DLC1: variants seen among roughly 807,000 people sequenced by gnomAD.
DLC1 encodes DLC1 Rho GTPase activating protein.
In DLC1, 54 loss-of-function variants were observed where a neutral mutation model predicts 140.3. The ratio of observed to expected loss-of-function variants is 0.38; its 90% CI spans 0.31 to 0.48. The LOEUF is 0.48. Ranked by LOEUF, DLC1 falls within the 20% of genes least tolerant of loss-of-function variation. The pLI, the probability that DLC1 is intolerant of heterozygous loss-of-function variation, is 0.96. For synonymous variants in DLC1, 986 were observed against 728.1 expected, an observed-to-expected ratio of 1.35 and a Z score of -5.70; for missense variants, 2,536 against 1,907.0, an observed-to-expected ratio of 1.33 and a Z score of -6.14.
rs1479921118 is a variant in DLC1, at chr8:13,119,561, T to A, written c.1349-3904A>T. On this transcript the variant is annotated intron_variant, in intron 5 of 17. Transcript: ENST00000276297. ...CTAAGCGCTAGTGCATATTAGTTCA[T>A]TTACACCTCACATTGATCCTAAAAT... Among the ~76,000 whole-genome samples, 3 of 152,296 alleles carry A rather than the reference T, an allele frequency of 2.0e-5. No individual in the cohort carries two copies. The East Asian group carries it at 5.8e-4, about 29-fold the overall frequency.
chr8:13,099,777 C>T lies in DLC1; in HGVS notation c.2560G>A (p.Glu854Lys), dbSNP rs1585613378. 6.2e-7 allele frequency: 1 copy of T among 1,614,106 alleles called. No homozygotes were observed. The highest frequency in any genetic ancestry group is 1.1e-5 in the South Asian group (1 of 91,068). Residue 854 changes from glutamate to lysine, a missense_variant, in exon 9 of 18, where the codon GAA becomes AAA. Coordinates refer to ENST00000276297, the MANE Select transcript of DLC1 (RefSeq NM_182643.3). ...HGPGHISLRR[E>K]NSSDSPKELK... ...TCCTTGGGGCTGTCGCTACTGTTTT[C>T]CCTCCTGAGGCTGATGTGGCCAGGG...
intron 5 of DLC1, among the ~76,000 whole-genome samples, chr8:13,207,211 G>T (rs139840363): frequency 1.4e-3 from 208 of 152,136 alleles, no homozygotes; most frequent in African/African-American, 4.7e-3. Flanking sequence ...TGCACTTGTG[G>T]TAATTTCAAA....
At chr8:13,470,849 T>A (rs1355664118) in intron 2 of DLC1, among the ~76,000 whole-genome samples, 1 of 152,156 alleles carries the variant, frequency 6.6e-6, no homozygotes, top group Non-Finnish European at 1.5e-5. Context: ...TTATTCACAG[T>A]AGCCAAGTGA....
chr8:13,162,682 G>A (rs913042884), intron 5 of DLC1, among the ~76,000 whole-genome samples: 8 of 152,106 alleles, frequency 5.3e-5, no homozygotes, highest in African/African-American at 1.2e-4. Context: ...GCTCACGAAT[G>A]TAATCCCAGC....
intron 7 of DLC1, among the ~76,000 whole-genome samples, chr8:13,105,901 A>G (rs1417946150): frequency 1.3e-5 from 2 of 152,074 alleles, no homozygotes; most frequent in Non-Finnish European, 2.9e-5. Flanking sequence ...TCTAATATAA[A>G]TATTAATGGT....
chr8:13,520,394 G>T (rs1265191470), intron 1 of DLC1, among the ~76,000 whole-genome samples: 1 of 152,066 alleles, frequency 6.6e-6, no homozygotes, highest in Non-Finnish European at 1.5e-5. Flanking sequence ...AATACCGCAT[G>T]TTCTCACCCA....
chr8:13,456,208 A>G (rs914460681), intron 2 of DLC1, among the ~76,000 whole-genome samples: 9 of 152,184 alleles, frequency 5.9e-5, no homozygotes, highest in Non-Finnish European at 1.2e-4. Flanking sequence ...CTTTGCATCT[A>G]TAGATGGTTA....
At chr8:13,422,945 G>C (rs1200860543) in intron 2 of DLC1, among the ~76,000 whole-genome samples, 1 of 152,168 alleles carries the variant, frequency 6.6e-6, no homozygotes, top group East Asian at 1.9e-4. Context: ...AAAATGGAAG[G>C]AAGGAAGCCA....
chr8:13,259,292 A>C (rs1830387227), intron 5 of DLC1, among the ~76,000 whole-genome samples: 1 of 152,170 alleles, frequency 6.6e-6, no homozygotes, highest in Admixed American at 6.5e-5. Flanking sequence ...TTATAAATGC[A>C]AAATTTCCCA....
intron 4 of DLC1, among the ~76,000 whole-genome samples, chr8:13,312,814 T>A (rs1292574615): frequency 6.6e-6 from 1 of 152,116 alleles, no homozygotes; most frequent in Non-Finnish European, 1.5e-5. Flanking sequence ...TTCATAACAG[T>A]TTTTGTTTTT....
At chr8:13,366,042 G>A (rs1000950074) in intron 4 of DLC1, among the ~76,000 whole-genome samples, 6 of 152,146 alleles carry the variant, frequency 3.9e-5, no homozygotes, top group Non-Finnish European at 5.9e-5. Context: ...AGGTGAATTT[G>A]GACCAAACAA....
intron 4 of DLC1, among the ~76,000 whole-genome samples, chr8:13,348,038 G>C (rs182003488): frequency 6.6e-6 from 1 of 152,074 alleles, no homozygotes; most frequent in Admixed American, 6.5e-5. Flanking sequence ...GCAGTCAGCC[G>C]AGATCACGCC....
chr8:13,463,513 T>A (rs997757808), intron 2 of DLC1, among the ~76,000 whole-genome samples: 1 of 152,204 alleles, frequency 6.6e-6, no homozygotes, highest in South Asian at 2.1e-4. Context: ...TTCTTATGGA[T>A]GTTTGTTCAT....
At position 13,099,829 on chromosome 8, in the gene DLC1, C is replaced by T. The variant is rs750221397; in HGVS notation, c.2508G>A (p.Val836=). Residue 836 remains valine (V), a synonymous_variant, in exon 9 of 18, where the codon GTG becomes GTA. Coordinates refer to ENST00000276297, the MANE Select transcript of DLC1 (RefSeq NM_182643.3). ...CGTGGAAGCTTCCCGTCCTCCAGTT[C>T]ACAGAGCCGTTATTCCCCGAGGGGG... ...SFSPSGNNGS[V]NWRTGSFHGP... The T allele has an allele frequency of 1.2e-6, 2 of 1,614,194 alleles. No homozygotes were observed. The highest frequency in any genetic ancestry group is 1.1e-5 in the South Asian group (1 of 91,084).
chr8:13,264,527 A>G (rs569517872), intron 5 of DLC1, among the ~76,000 whole-genome samples: 56 of 152,362 alleles, frequency 3.7e-4, no homozygotes, highest in African/African-American at 1.3e-3. Flanking sequence ...TGTAACGAGT[A>G]TAAAGCCAGT....
chr8:13,225,435 T>C (rs1828750409), intron 5 of DLC1, among the ~76,000 whole-genome samples: 1 of 152,086 alleles, frequency 6.6e-6, no homozygotes, highest in South Asian at 2.1e-4. Context: ...CCCTTCCCCC[T>C]GCAAAGGTCT....
intron 5 of DLC1, among the ~76,000 whole-genome samples, chr8:13,117,364 G>C (rs1301990885): frequency 1.3e-5 from 2 of 151,880 alleles, no homozygotes; most frequent in African/African-American, 4.8e-5. Flanking sequence ...TGTAGTCCCA[G>C]CTACTCTGGA....
intron 5 of DLC1, among the ~76,000 whole-genome samples, chr8:13,164,727 T>G (rs1326987831): frequency 6.6e-6 from 1 of 152,160 alleles, no homozygotes; most frequent in Non-Finnish European, 1.5e-5. Context: ...ATAATTATAT[T>G]TTACTTCTGA....
At chr8:13,252,346 C>T (rs1402619742) in intron 5 of DLC1, among the ~76,000 whole-genome samples, 1 of 152,086 alleles carries the variant, frequency 6.6e-6, no homozygotes, top group Non-Finnish European at 1.5e-5. Flanking sequence ...GACAAAGGGC[C>T]ACTCACGTTT....
Sources: allele counts gnomAD v4.1 joint callset (sites outside exome capture counted in the v4.1 genomes callset), GRCh38; gene constraint gnomAD v4.1.1; transcripts MANE v1.5; gene names NCBI Gene and HGNC (gene_info 2026-07-23, HGNC 2026-07-21).